Variants in HDX observed in about 807,000 individuals in gnomAD.
HDX encodes chromosome X open reading frame 43.
HDX carries 19 observed loss-of-function variants against 45.2 expected under a neutral mutation model. The ratio of observed to expected loss-of-function variants is 0.42; its 90% CI spans 0.29 to 0.62. HDX has a LOEUF of 0.62. Among genes scored for constraint, HDX ranks in the 20% least tolerant of loss-of-function variants. HDX has a pLI of 0.20. For missense variants in HDX, 532 were observed against 493.9 expected, an observed-to-expected ratio of 1.08 and a Z score of -0.73; for synonymous variants, 188 against 172.8, an observed-to-expected ratio of 1.09 and a Z score of -0.69.
At chrX:84,330,106 G>A (rs1461820408) in intron 9 of HDX, among the ~76,000 whole-genome samples, 2 of 111,021 alleles carry the variant, frequency 1.8e-5, no homozygotes, top group East Asian at 2.8e-4. Context: ...ATGTTATGTC[G>A]TTTGATTTAA....
rs2038177137 is a variant in HDX, at chrX:84,381,080, G to A, written c.1306-19468C>T. On this transcript the variant is annotated intron_variant, in intron 5 of 10. Transcript: ENST00000373177. ...TCTATATGTCAACAGTGAACAATCT[G>A]AATAAGAAATTAAACAGGAATCCCA... is the stretch of plus-strand genomic sequence containing the variant. 2.7e-5 allele frequency among the ~76,000 whole-genome samples: 3 copies of A among 110,569 alleles called. No individual in the cohort carries two copies. In the Admixed American group the frequency reaches 2.9e-4, roughly 11 times the overall value.
chrX:84,492,275 T>C lies in HDX; in HGVS notation c.-109-4143A>G, dbSNP rs367897421. ...GGTCTAAAATTCATTATTTTCTATT[T>C]TTTTCTGTTTTTGTTTGTTTGTTTG... On this transcript the variant is annotated intron_variant, in intron 1 of 10. Transcript: ENST00000373177. Among the ~76,000 whole-genome samples the C allele has an allele frequency of 3.1e-4, 34 of 110,623 alleles. No individual in the cohort carries two copies. In the East Asian group the frequency reaches 8.2e-3, roughly 27 times the overall value.
At chrX:84,417,061 G>T (rs894964470) in intron 5 of HDX, among the ~76,000 whole-genome samples, 1 of 109,514 alleles carries the variant, frequency 9.1e-6, no homozygotes, top group Non-Finnish European at 1.9e-5. Flanking sequence ...GCTTGAGGCA[G>T]GAGAATTGCT....
intron 5 of HDX, among the ~76,000 whole-genome samples, chrX:84,395,802 C>A (rs1170905677): frequency 9.0e-6 from 1 of 111,500 alleles, no homozygotes; most frequent in Non-Finnish European, 1.9e-5. Context: ...TGGGTTATTT[C>A]AAAAGATCTG....
At chrX:84,408,499 GTTTTTTTTTTTTTT>G (rs1220751208) in intron 5 of HDX, among the ~76,000 whole-genome samples, 1 of 44,444 alleles carries the variant, frequency 2.3e-5, no homozygotes, top group South Asian at 1.1e-3. Context: ...CTCCAGCTTT[GTTTTTTTTTTTTTT>G]TTTTTTTTTG....
rs1281412474 is a variant in HDX at position 84,424,449 on chromosome X, T to A, written c.1305+16083A>T. Among the ~76,000 whole-genome samples, 5 of 105,807 alleles carry A rather than the reference T, an allele frequency of 4.7e-5. No homozygotes were observed. In the South Asian group the frequency reaches 1.2e-3, roughly 26 times the overall value. The allele number at this position is 105,807 out of a possible 115,157, so 91.9% of individuals were successfully genotyped here. On this transcript the variant is annotated intron_variant, in intron 5 of 10. Coordinates refer to ENST00000373177, the MANE Select transcript of HDX (RefSeq NM_001177479.2). ...ACCAATGACATTCCTCACAGAAATT[T>A]AAAAAAAAAAATCTAAAATTTGCAA...
At chrX:84,410,068 A>AG (rs1237387292) in intron 5 of HDX, among the ~76,000 whole-genome samples, 33 of 104,725 alleles carry the variant, frequency 3.2e-4, no homozygotes, top group Non-Finnish European at 5.9e-4. Flanking sequence ...AGATTAAAAA[A>AG]AAAAAAAAAA....
At chrX:84,492,674 A>G (rs1208608250) in intron 1 of HDX, among the ~76,000 whole-genome samples, 1 of 111,827 alleles carries the variant, frequency 8.9e-6, no homozygotes, top group Non-Finnish European at 1.9e-5. Flanking sequence ...ACTCTTTTAA[A>G]GTACATCAAT....
At chrX:84,452,151 G>T (rs1373498684) in intron 4 of HDX, among the ~76,000 whole-genome samples, 1 of 110,991 alleles carries the variant, frequency 9.0e-6, no homozygotes, top group Admixed American at 9.6e-5. Context: ...ACATAGTAAT[G>T]GAAGTCCCAT....
At chrX:84,343,497 T>G (rs750693042) in intron 7 of HDX, among the ~76,000 whole-genome samples, 1 of 110,962 alleles carries the variant, frequency 9.0e-6, no homozygotes, top group African/African-American at 3.3e-5. Context: ...TATGTTGCCC[T>G]GGCTGATTTC....
chrX:84,408,212 T>C (rs1297798960), intron 5 of HDX, among the ~76,000 whole-genome samples: 1 of 111,171 alleles, frequency 9.0e-6, no homozygotes, highest in African/African-American at 3.3e-5. Context: ...CTTTAGTTGA[T>C]TTTTTGTGTG....
chrX:84,353,930 G>T (rs1283902480), intron 6 of HDX, among the ~76,000 whole-genome samples: 2 of 111,464 alleles, frequency 1.8e-5, no homozygotes, highest in Non-Finnish European at 3.8e-5. Context: ...TTGAGGTATT[G>T]TTTCCAGTTC....
intron 6 of HDX, among the ~76,000 whole-genome samples, chrX:84,353,346 C>A (rs2037404021): frequency 9.0e-6 from 1 of 110,509 alleles, no homozygotes; most frequent in Admixed American, 9.7e-5. Flanking sequence ...AAAGGTGGGA[C>A]CTTTTGGAGG....
At chrX:84,498,875 C>T (rs761167665) in intron 1 of HDX, among the ~76,000 whole-genome samples, 6 of 105,835 alleles carry the variant, frequency 5.7e-5, no homozygotes, top group Non-Finnish European at 9.7e-5. Context: ...ATCTCAGATT[C>T]CAGAGATTTA....
intron 5 of HDX, among the ~76,000 whole-genome samples, chrX:84,372,469 G>T (rs2037920243): frequency 9.0e-6 from 1 of 111,717 alleles, no homozygotes; most frequent in Non-Finnish European, 1.9e-5. Context: ...TAGGCATGTG[G>T]TACATAAGCA....
At chrX:84,471,147 T>A (rs1208190495) in intron 3 of HDX, among the ~76,000 whole-genome samples, 1 of 111,204 alleles carries the variant, frequency 9.0e-6, no homozygotes, top group Non-Finnish European at 1.9e-5. Context: ...CAATGTTTAC[T>A]GTACATCTTA....
intron 4 of HDX, among the ~76,000 whole-genome samples, chrX:84,441,676 G>T (rs745548856): frequency 2.3e-4 from 26 of 111,436 alleles, no homozygotes; most frequent in African/African-American, 8.1e-4. Context: ...TCTAGTTTTG[G>T]TAGTAAAGTT....
intron 5 of HDX, 158 bp downstream of exon 5, chrX:84,440,374 T>C (rs2039733825): frequency 9.1e-6 from 4 of 439,025 alleles, no homozygotes; most frequent in Admixed American, 4.3e-5. Context: ...TTGCAGTATA[T>C]GTAAATATTA....
intron 4 of HDX, among the ~76,000 whole-genome samples, chrX:84,453,242 T>A (rs1377483128): frequency 8.9e-6 from 1 of 112,149 alleles, no homozygotes; most frequent in Non-Finnish European, 1.9e-5. Flanking sequence ...CACACACAAA[T>A]CTTCATAAGA....
Sources: gnomAD v4.1 joint callset for allele counts (sites outside exome capture counted in the v4.1 genomes callset) on GRCh38, gnomAD v4.1.1 for gene constraint, MANE v1.5 for transcripts, NCBI Gene and HGNC (gene_info 2026-07-23, HGNC 2026-07-21) for gene names.